SASH1: variants seen among roughly 807,000 people sequenced by gnomAD.
SASH1 encodes the protein SAM and SH3 domain-containing protein 1.
Under a neutral mutation model 125.2 loss-of-function variants are expected in SASH1, and 44 were observed. The ratio of observed to expected loss-of-function variants is 0.35; its 90% confidence interval spans 0.28 to 0.45. The LOEUF (loss-of-function observed/expected upper bound fraction) is 0.45, where lower values mean the gene tolerates loss of function less well. Among genes scored for constraint, SASH1 ranks in the 20% least tolerant of loss-of-function variants. The pLI is 1.00. For missense variants in SASH1, 1,426 were observed against 1,614.5 expected, an observed-to-expected ratio of 0.88 and a Z score of 2.00; for synonymous variants, 639 against 649.1, an observed-to-expected ratio of 0.98 and a Z score of 0.24.
intron 2 of SASH1, among the ~76,000 whole-genome samples, chr6:148,436,633 C>T (rs1041278130): frequency 3.3e-5 from 5 of 152,220 alleles, no homozygotes; most frequent in African/African-American, 9.6e-5. Flanking sequence ...CTCAGCAACC[C>T]GTGCAGCCCT....
At chr6:148,326,335 T>TATATATATATATATGC (rs1780804647) in intron 1 of SASH1, among the ~76,000 whole-genome samples, 1 of 67,146 alleles carries the variant, frequency 1.5e-5, no homozygotes, top group Non-Finnish European at 3.0e-5. Context: ...TATATATATA[T>TATATATATATATATGC]ATATATATAT....
In SASH1 at chr6:148,353,071, T is replaced by A. The variant is rs554319380; in HGVS notation, c.156+9848T>A. ...CTTTATTTTAATCTTTTTAATTTTT[T>A]ATTTTTTGTTTTTCAGAGGCAGGGT... On this transcript the variant is annotated intron_variant, in intron 1 of 19. Transcript: ENST00000367467. Among the ~76,000 whole-genome samples, 218 of 152,264 alleles carry A rather than the reference T, an allele frequency of 1.4e-3. 2 individuals carry two copies. Among genetic ancestry groups the A allele is most frequent in the African/African-American group, 4.6e-3 (193 of 41,574 alleles).
At chr6:148,505,672 C>T (rs1452318020) in intron 8 of SASH1, among the ~76,000 whole-genome samples, 1 of 147,918 alleles carries the variant, frequency 6.8e-6, no homozygotes, top group African/African-American at 2.5e-5. Flanking sequence ...GATAGAGTGT[C>T]GCTCTGTCAC....
chr6:148,268,621 T>C (rs1181440592), upstream of SASH1, among the ~76,000 whole-genome samples: 1 of 152,224 alleles, frequency 6.6e-6, no homozygotes, highest in African/African-American at 2.4e-5. Context: ...AAGTTAAGCT[T>C]TGTGGAATTC....
At chr6:148,352,869 T>C (rs1405507220) in intron 1 of SASH1, among the ~76,000 whole-genome samples, 1 of 151,712 alleles carries the variant, frequency 6.6e-6, no homozygotes, top group Non-Finnish European at 1.5e-5. Context: ...CTGGGGAGGC[T>C]GAGGCAGGGA....
At chr6:148,520,739 A>C (rs1780760456) in intron 10 of SASH1, among the ~76,000 whole-genome samples, 1 of 152,186 alleles carries the variant, frequency 6.6e-6, no homozygotes, top group Admixed American at 6.5e-5. Context: ...GCTGATTCAA[A>C]ACAGAAGGGC....
intron 8 of SASH1, among the ~76,000 whole-genome samples, chr6:148,507,076 T>C (rs926069314): frequency 1.3e-5 from 2 of 151,960 alleles, no homozygotes; most frequent in Non-Finnish European, 2.9e-5. Flanking sequence ...GTTTGTGAAA[T>C]GGGGAATTGG....
intron 4 of SASH1, among the ~76,000 whole-genome samples, chr6:148,460,327 G>A (rs113890969): frequency 6.2e-4 from 95 of 152,098 alleles, no homozygotes; most frequent in South Asian, 1.2e-3. Flanking sequence ...AAGAGGGTGG[G>A]GTAGAAAAAT....
At chr6:148,227,262 G>A in the SASH1 span, among the ~76,000 whole-genome samples, 2 of 152,146 alleles carry the variant, frequency 1.3e-5, no homozygotes, top group Non-Finnish European at 2.9e-5. Flanking sequence ...TAAATTCCTG[G>A]AGAGAAGAGA....
At chr6:148,295,079 C>A (rs1053247613) in intron 1 of SASH1, among the ~76,000 whole-genome samples, 6 of 151,920 alleles carry the variant, frequency 3.9e-5, no homozygotes, top group Non-Finnish European at 8.8e-5. Flanking sequence ...CTCTCTCTCA[C>A]ACACACACAC....
chr6:148,226,117 T>C, the SASH1 span, among the ~76,000 whole-genome samples: 1 of 152,268 alleles, frequency 6.6e-6, no homozygotes, highest in Non-Finnish European at 1.5e-5. Flanking sequence ...TTGCAATGAC[T>C]ATTCTCTATT....
chr6:148,542,887 C>A (rs1350842699), intron 17 of SASH1, among the ~76,000 whole-genome samples: 1 of 151,882 alleles, frequency 6.6e-6, no homozygotes, highest in African/African-American at 2.4e-5. Context: ...TGTGCGCGCG[C>A]ACATGTAAGT....
chr6:148,360,904 CTTTG>C (rs1782175196), intron 1 of SASH1, among the ~76,000 whole-genome samples: 2 of 152,140 alleles, frequency 1.3e-5, no homozygotes, highest in Middle Eastern at 3.4e-3. Context: ...CTGAGTGTGA[CTTTG>C]TTTGGAAATG....
At chr6:148,370,966 C>T (rs1177607628) in intron 1 of SASH1, among the ~76,000 whole-genome samples, 1 of 152,128 alleles carries the variant, frequency 6.6e-6, no homozygotes, top group Non-Finnish European at 1.5e-5. Flanking sequence ...AGAAGTGAAA[C>T]GCTGTCATGA....
chr6:148,460,809 A>G (rs1299044816), intron 4 of SASH1, among the ~76,000 whole-genome samples: 1 of 152,246 alleles, frequency 6.6e-6, no homozygotes, highest in Non-Finnish European at 1.5e-5. Flanking sequence ...AAAACATACA[A>G]ATTGCTTTTA....
intron 1 of SASH1, among the ~76,000 whole-genome samples, chr6:148,349,731 A>G (rs920215108): frequency 6.6e-6 from 1 of 152,168 alleles, no homozygotes; most frequent in Non-Finnish European, 1.5e-5. Flanking sequence ...TACAGTCTCT[A>G]AAGTAATCAA....
intron 1 of SASH1, among the ~76,000 whole-genome samples, chr6:148,309,091 A>G (rs1223055972): frequency 1.3e-5 from 2 of 150,362 alleles, no homozygotes; most frequent in Non-Finnish European, 3.0e-5. Context: ...CTCCAAAAAA[A>G]AAAAAAAAAA....
At position 148,418,543 on chromosome 6, in the gene SASH1, C is replaced by G. The variant is rs192619203; in HGVS notation, c.286-21641C>G. Among the ~76,000 whole-genome samples the G allele has an allele frequency of 2.6e-5, 4 of 152,324 alleles. No individual in the cohort carries two copies. The East Asian group carries it at 7.7e-4, about 29-fold the overall frequency. On this transcript the variant is annotated intron_variant, in intron 2 of 19. Coordinates refer to ENST00000367467, the MANE Select transcript of SASH1 (RefSeq NM_015278.5). ...AACACAGTAGGACTTTAAATGACTT[C>G]CATAGTAAGGCACTGGGCTTTATGT...
intron 4 of SASH1, among the ~76,000 whole-genome samples, chr6:148,451,357 A>G (rs1777093076): frequency 6.6e-6 from 1 of 152,214 alleles, no homozygotes; most frequent in Non-Finnish European, 1.5e-5. Flanking sequence ...GCTTGTAAAT[A>G]TCAACATTAT....
Sources: gnomAD v4.1 joint callset for allele counts (sites outside exome capture counted in the v4.1 genomes callset) on GRCh38, gnomAD v4.1.1 for gene constraint, MANE v1.5 for transcripts, NCBI Gene and HGNC (gene_info 2026-07-23, HGNC 2026-07-21) for gene names.